The following MAU2 variants were observed in gnomAD, a reference collection of about 807,000 sequenced individuals.
MAU2 encodes the protein MAU2 chromatid cohesion factor homolog.
Under a neutral mutation model 89.1 loss-of-function variants are expected in MAU2, and 9 were observed. The ratio of observed to expected loss-of-function variants is 0.10; its 90% CI spans 0.06 to 0.18. The LOEUF (loss-of-function observed/expected upper bound fraction) is 0.18. Among genes scored for constraint, MAU2 ranks in the 10% least tolerant of loss-of-function variants. The pLI is 1.00. For missense variants in MAU2, 425 were observed against 803.5 expected (o/e 0.53, Z 5.69); for synonymous variants, 357 against 343.4 (o/e 1.04, Z -0.44).
At chr19:19,323,104 G>A (rs1450473874) in intron 1 of MAU2, among the ~76,000 whole-genome samples, 1 of 151,852 alleles carries the variant, frequency 6.6e-6, no homozygotes, top group Admixed American at 6.6e-5. Context: ...GGCCAGGCTG[G>A]TCTTGAACTC....
chr19:19,335,597 T>C, intron 1 of MAU2, 121 bp from the exon 2 acceptor site: 1 of 992,086 alleles, frequency 1.0e-6, no homozygotes, highest in Non-Finnish European at 1.6e-6. Flanking sequence ...GCCGCCTTCT[T>C]GTTACCTGGA....
At chr19:19,348,809 T>A in intron 13 of MAU2, 80 bp from the exon 14 acceptor site, 1 of 1,459,732 alleles carries the variant, frequency 6.9e-7, no homozygotes, top group Non-Finnish European at 9.6e-7. Flanking sequence ...GTAGAGAAAT[T>A]CCCATGCACT....
chr19:19,339,371 C>G (rs537726106), intron 5 of MAU2, among the ~76,000 whole-genome samples: 3 of 151,912 alleles, frequency 2.0e-5, no homozygotes, highest in South Asian at 4.2e-4. Flanking sequence ...AGCTTGAACC[C>G]GGGAGGCAGA....
At position 19,320,873 on chromosome 19, in the gene MAU2, C is replaced by CGGCGGCAGCGGCCCA; in HGVS notation, c.21_35dup (p.Ala13_Ala17dup). 3.3e-6 allele frequency: 5 copies of CGGCGGCAGCGGCCCA among 1,517,454 alleles called. No homozygotes were observed. The highest frequency in any genetic ancestry group is 4.4e-6 in the Non-Finnish European group (5 of 1,139,242). The allele number at this position is 1,517,454 out of a possible 1,614,324, so 94.0% of individuals were successfully genotyped here. A position where few individuals can be genotyped will look rare whatever the true frequency, so the allele number is the denominator to read the frequency against. On this transcript the variant is annotated inframe_insertion, in exon 1 of 19. Transcript: ENST00000262815. ...GTGGAGGCCAAAATGGCGGCTCAGG[C>CGGCGGCAGCGGCCCA]GGCGGCAGCGGCCCAGGCGGCGGCG...
intron 16 of MAU2, chr19:19,354,026 G>C (rs1374019017): frequency 2.7e-6 from 1 of 365,356 alleles, no homozygotes. Flanking sequence ...CTGCATTTCT[G>C]ATCAGCCCCC....
At chr19:19,350,914 A>T (rs985902081) in intron 16 of MAU2, among the ~76,000 whole-genome samples, 1 of 144,966 alleles carries the variant, frequency 6.9e-6, no homozygotes, top group Non-Finnish European at 1.5e-5. Context: ...AAAAAAAAAA[A>T]GATATTTTTG....
At chr19:19,352,225 A>C (rs558607643) in intron 16 of MAU2, 22 of 151,286 alleles carry the variant, frequency 1.5e-4, no homozygotes, top group African/African-American at 4.4e-4. Flanking sequence ...TTGAAGCCAC[A>C]TCTACTCTGT....
chr19:19,335,463 C>T (rs1184905719), intron 1 of MAU2, among the ~76,000 whole-genome samples: 5 of 152,140 alleles, frequency 3.3e-5, no homozygotes, highest in African/African-American at 7.2e-5. Flanking sequence ...ACTCCAAGTG[C>T]GAGCCCCTCC....
At chr19:19,338,379 G>A (rs2061613829) in intron 4 of MAU2, among the ~76,000 whole-genome samples, 1 of 152,238 alleles carries the variant, frequency 6.6e-6, no homozygotes. Flanking sequence ...CAGCCCCATA[G>A]GTATTGCCTT....
intron 7 of MAU2, 35 bp from the exon 8 acceptor site, chr19:19,342,500 G>T: frequency 6.5e-7 from 1 of 1,527,978 alleles, no homozygotes. Context: ...GAGAGGCCAG[G>T]CTCAGGTGGA....
chr19:19,339,964 C>A (rs1444700985), intron 5 of MAU2, among the ~76,000 whole-genome samples: 5 of 151,616 alleles, frequency 3.3e-5, no homozygotes, highest in Admixed American at 6.6e-5. Flanking sequence ...GTCAGGAGAT[C>A]AAGACCATCC....
intron 16 of MAU2, 81 bp downstream of exon 16, chr19:19,349,517 G>A: frequency 2.5e-6 from 3 of 1,219,250 alleles, no homozygotes; most frequent in Non-Finnish European, 3.6e-6. Flanking sequence ...CACCCTAAGG[G>A]TGGCATGGCA....
chr19:19,332,848 G>A (rs528595596), intron 1 of MAU2, among the ~76,000 whole-genome samples: 4 of 152,034 alleles, frequency 2.6e-5, no homozygotes, highest in African/African-American at 7.2e-5. Flanking sequence ...AGGCTAAGGC[G>A]AGCAGATCAC....
At chr19:19,331,204 TAA>T (rs199942794) in intron 1 of MAU2, among the ~76,000 whole-genome samples, 100 of 143,022 alleles carry the variant, frequency 7.0e-4, no homozygotes, top group African/African-American at 2.4e-3. Context: ...ATTACAAAGT[TAA>T]AAAAAAAAAA....
At chr19:19,351,363 TA>T (rs559642242) in intron 16 of MAU2, among the ~76,000 whole-genome samples, 498 of 139,460 alleles carry the variant, frequency 3.6e-3, no homozygotes, top group Middle Eastern at 7.3e-3. Flanking sequence ...TGCTATCTCT[TA>T]AAAAAAAAAA....
In MAU2 at chr19:19,341,409, TGTGTGGC is replaced by T. The variant is rs2061645733; in HGVS notation, c.735+4_735+10del. 2 of 1,613,514 alleles carry T rather than the reference TGTGTGGC, an allele frequency of 1.2e-6. No individual in the cohort carries two copies. The highest frequency in any genetic ancestry group is 1.7e-6 in the Non-Finnish European group (2 of 1,179,936). On this transcript the variant is annotated splice_donor_5th_base_variant and intron_variant, in intron 7 of 18. Transcript: ENST00000262815. ...ACCCACTATCTGGATGCCGGGCAGG[TGTGTGGC>T]GCCTCTCAGGCGAGCTGCTGGTTGT... is the stretch of plus-strand genomic sequence containing the variant.
In MAU2 at chr19:19,349,244, G is replaced by A; in HGVS notation, c.1436+12G>A. 1 of 1,614,212 alleles carries A rather than the reference G, an allele frequency of 6.2e-7. No individual in the cohort carries two copies. Among genetic ancestry groups the A allele is most frequent in the African/African-American group, 1.3e-5 (1 of 75,068 alleles). On this transcript the variant is annotated intron_variant, in intron 15 of 18. Coordinates refer to ENST00000262815, the MANE Select transcript of MAU2 (RefSeq NM_015329.4). ...TACAACGAGGCCAAGTAAGTGTGGG[G>A]CAGAGGGTGGCGTGAGGGCCATGCT...
chr19:19,349,024 A>G lies in MAU2; in HGVS notation c.1358+86A>G. 22 of 1,560,696 alleles carry G rather than the reference A, an allele frequency of 1.4e-5. 1 individual carries two copies. In the South Asian group the frequency reaches 2.5e-4, roughly 18 times the overall value. On this transcript the variant is annotated intron_variant, in intron 14 of 18. Coordinates refer to ENST00000262815, the MANE Select transcript of MAU2 (RefSeq NM_015329.4). ...GCCCCTGACTGCCCCTTGCACCCTG[A>G]CACCCCATACCCCTCCTCACAGACA... is the stretch of plus-strand genomic sequence containing the variant.
intron 1 of MAU2, among the ~76,000 whole-genome samples, chr19:19,328,583 G>A (rs928623069): frequency 2.6e-5 from 4 of 151,852 alleles, no homozygotes; most frequent in African/African-American, 4.8e-5. Flanking sequence ...CACCATGCCC[G>A]GCTAATTTTT....
Sources: gnomAD v4.1 joint callset for allele counts (sites outside exome capture counted in the v4.1 genomes callset) on GRCh38, gnomAD v4.1.1 for gene constraint, MANE v1.5 for transcripts, NCBI Gene and HGNC (gene_info 2026-07-23, HGNC 2026-07-21) for gene names.